The following SLC25A12 variants were observed in gnomAD, a reference collection of about 807,000 sequenced individuals.
SLC25A12 encodes solute carrier family 25 member 12.
A neutral mutation model predicts 83.3 loss-of-function variants in SLC25A12; 32 were observed. That is an observed-to-expected ratio of 0.38 (90% CI 0.29 to 0.52). The LOEUF is 0.52. Ranked by LOEUF, SLC25A12 falls within the 20% of genes least tolerant of loss-of-function variation. The probability of loss-of-function intolerance (pLI) is 0.84; values close to 1 mark genes in which losing one functional copy is unlikely to be tolerated. For synonymous variants in SLC25A12, 267 were observed against 291.1 expected, an observed-to-expected ratio of 0.92 and a Z score of 0.84; for missense variants, 611 against 835.6, an observed-to-expected ratio of 0.73 and a Z score of 3.31.
chr2:171,852,293 T>C (rs1238156768), intron 4 of SLC25A12, among the ~76,000 whole-genome samples: 1 of 152,238 alleles, frequency 6.6e-6, no homozygotes, highest in Non-Finnish European at 1.5e-5. Flanking sequence ...TTACTACTTA[T>C]ATAAATACTT....
In SLC25A12 at chr2:171,822,410, G is replaced by T. The variant is rs1684212250; in HGVS notation, c.930+4388C>A. ...TATTTATTTATTTATTTGAGACAGG[G>T]TCTCACTCTGTCACTCAGGCTGGAG... is the stretch of plus-strand genomic sequence containing the variant. On this transcript the variant is annotated intron_variant, in intron 9 of 17. Transcript: ENST00000422440. Among the ~76,000 whole-genome samples the T allele has an allele frequency of 3.9e-5, 6 of 152,196 alleles. No homozygotes were observed. In the South Asian group the frequency reaches 1.2e-3, roughly 32 times the overall value.
chr2:171,837,010 G>A (rs1355496862), intron 6 of SLC25A12, 111 bp downstream of exon 6: 5 of 1,004,000 alleles, frequency 5.0e-6, no homozygotes, highest in Non-Finnish European at 7.6e-6. Flanking sequence ...TACCAACCAA[G>A]CATGAAATTT....
chr2:171,786,407 G>C (rs569360210), intron 17 of SLC25A12, among the ~76,000 whole-genome samples: 436 of 145,102 alleles, frequency 3.0e-3, no homozygotes, highest in African/African-American at 0.01. Context: ...AAAAAAAAGA[G>C]AGAGAGAGAA....
At chr2:171,791,329 A>AT in intron 15 of SLC25A12, 122 bp downstream of exon 15, 1 of 862,940 alleles carries the variant, frequency 1.2e-6, no homozygotes, top group Non-Finnish European at 1.9e-6. Flanking sequence ...AAAAAGTGAT[A>AT]TTTAAACTAA....
chr2:171,832,381 A>G (rs1455900442), intron 8 of SLC25A12, among the ~76,000 whole-genome samples: 1 of 152,206 alleles, frequency 6.6e-6, no homozygotes, highest in Non-Finnish European at 1.5e-5. Flanking sequence ...AGGGACCTTA[A>G]TCACTTGGGA....
intron 5 of SLC25A12, among the ~76,000 whole-genome samples, chr2:171,842,430 T>A (rs1684699435): frequency 6.6e-6 from 1 of 151,970 alleles, no homozygotes; most frequent in African/African-American, 2.4e-5. Context: ...CTGTCTCTAC[T>A]AAAAATACAA....
At chr2:171,788,747 G>A (rs1320596140) in intron 15 of SLC25A12, 3 of 152,328 alleles carry the variant, frequency 2.0e-5, no homozygotes, top group Non-Finnish European at 2.9e-5. Context: ...CTCACTAGGC[G>A]GATGGAGTTG....
intron 1 of SLC25A12, 49 bp downstream of exon 1, chr2:171,894,154 T>C: frequency 6.3e-7 from 1 of 1,593,750 alleles, no homozygotes; most frequent in South Asian, 1.1e-5. Context: ...GGCAGGGCGC[T>C]CGGAATGTCT....
In SLC25A12 at chr2:171,894,134, G is replaced by T; in HGVS notation, c.12+69C>A. ...ACAATGAATAAAATGGGAAGCAGTGGGGGGCTGCAGGCAGGGCGCTCGGAA... is the reference window on the plus strand; with the variant it reads ...ACAATGAATAAAATGGGAAGCAGTGTGGGGCTGCAGGCAGGGCGCTCGGAA... On this transcript the variant is annotated intron_variant, in intron 1 of 17. Coordinates refer to ENST00000422440, the MANE Select transcript of SLC25A12 (RefSeq NM_003705.5). The T allele has an allele frequency of 1.9e-6, 3 of 1,566,338 alleles. No homozygotes were observed. In the South Asian group the frequency reaches 3.5e-5, roughly 18 times the overall value.
At chr2:171,868,846 C>T in intron 2 of SLC25A12, 23 bp from the exon 3 acceptor site, 1 of 1,586,466 alleles carries the variant, frequency 6.3e-7, no homozygotes, top group Non-Finnish European at 8.7e-7. Flanking sequence ...ATAAATAATG[C>T]ATACTGAAAA....
intron 9 of SLC25A12, among the ~76,000 whole-genome samples, chr2:171,823,102 A>G (rs1684226984): frequency 6.6e-6 from 1 of 152,250 alleles, no homozygotes; most frequent in Non-Finnish European, 1.5e-5. Flanking sequence ...CTGCCTTACA[A>G]TGCCTCATAA....
intron 2 of SLC25A12, among the ~76,000 whole-genome samples, chr2:171,875,652 A>T (rs1161937226): frequency 2.0e-5 from 3 of 152,008 alleles, no homozygotes; most frequent in Non-Finnish European, 4.4e-5. Context: ...GGTGGCTCAC[A>T]CCTGTAATCT....
chr2:171,873,773 T>C lies in SLC25A12; in HGVS notation c.67-4950A>G, dbSNP rs548557140. 1.1e-4 allele frequency among the ~76,000 whole-genome samples: 16 copies of C among 152,196 alleles called. No homozygotes were observed. In the East Asian group the frequency reaches 3.1e-3, roughly 29 times the overall value. On this transcript the variant is annotated intron_variant, in intron 2 of 17. Coordinates refer to ENST00000422440, the MANE Select transcript of SLC25A12 (RefSeq NM_003705.5). ...ATATATACATCCAAATATATGTGTG[T>C]ATATATGAAATTCTTACCATTTCTT...
chr2:171,887,891 T>G (rs1685853695), intron 2 of SLC25A12, among the ~76,000 whole-genome samples: 1 of 152,248 alleles, frequency 6.6e-6, no homozygotes, highest in South Asian at 2.1e-4. Context: ...GTTGTTGATG[T>G]TTTTTAACTA....
In SLC25A12 at chr2:171,793,774, G is replaced by T. The variant is rs773564335; in HGVS notation, c.1306-7C>A. On this transcript the variant is annotated splice_region_variant and splice_polypyrimidine_tract_variant and intron_variant, in intron 13 of 17. Transcript: ENST00000422440. ...TGACCTGAGAGCCTCCAGCCTGTAGGCAAGGGAGAAGAGACAGGCAGATTC... is the reference window on the plus strand; with the variant it reads ...TGACCTGAGAGCCTCCAGCCTGTAGTCAAGGGAGAAGAGACAGGCAGATTC... The T allele has an allele frequency of 1.9e-6, 3 of 1,614,038 alleles. No homozygotes were observed. In the South Asian group the frequency reaches 3.3e-5, roughly 18 times the overall value.
intron 2 of SLC25A12, among the ~76,000 whole-genome samples, chr2:171,892,775 T>C (rs962617811): frequency 5.3e-5 from 8 of 152,152 alleles, no homozygotes; most frequent in Non-Finnish European, 1.2e-4. Context: ...AAATTAAGAA[T>C]AGCTATAATA....
At chr2:171,823,293 T>C (rs562681070) in intron 9 of SLC25A12, among the ~76,000 whole-genome samples, 36 of 152,338 alleles carry the variant, frequency 2.4e-4, no homozygotes, top group Middle Eastern at 3.4e-3. Flanking sequence ...AATTTAGAAT[T>C]CTGAAAATAA....
At chr2:171,856,275 G>C (rs1685043306) in intron 3 of SLC25A12, among the ~76,000 whole-genome samples, 1 of 152,146 alleles carries the variant, frequency 6.6e-6, no homozygotes, top group Admixed American at 6.5e-5. Context: ...GACATTTTAA[G>C]TTGGATAATT....
chr2:171,860,614 A>G (rs1685134624), intron 3 of SLC25A12, among the ~76,000 whole-genome samples: 1 of 152,088 alleles, frequency 6.6e-6, no homozygotes, highest in Admixed American at 6.6e-5. Context: ...AACAAACAAC[A>G]ACAACAAAAA....
Sources: allele counts gnomAD v4.1 joint callset (sites outside exome capture counted in the v4.1 genomes callset), GRCh38; gene constraint gnomAD v4.1.1; transcripts MANE v1.5; gene names NCBI Gene and HGNC (gene_info 2026-07-23, HGNC 2026-07-21).